Variants in L1TD1 observed in about 807,000 individuals in gnomAD.
L1TD1 encodes LINE1 type transposase domain containing 1.
L1TD1 carries 26 observed loss-of-function variants against 25.7 expected under a neutral mutation model. That is an observed-to-expected ratio of 1.01 (90% CI 0.74 to 1.40). The LOEUF is 1.40. L1TD1 is among the 40% of genes most tolerant of loss of function. The pLI is 0.00. For missense variants in L1TD1, 1,130 were observed against 975.0 expected (o/e 1.16, Z -2.12); for synonymous variants, 421 against 335.6 (o/e 1.25, Z -2.78).
intron 2 of L1TD1, among the ~76,000 whole-genome samples, chr1:62,201,208 C>G (rs958386409): frequency 1.3e-5 from 2 of 152,106 alleles, no homozygotes; most frequent in African/African-American, 4.8e-5. Context: ...GGATTACAGG[C>G]ATAAGCCACT....
At position 62,207,070 on chromosome 1, in the gene L1TD1, A is replaced by G; in HGVS notation, c.442A>G (p.Asn148Asp). The change falls in exon 3 of 4, where the codon AAC (asparagine) becomes GAC (aspartate). Residue 148 changes from asparagine to aspartate, a missense_variant. Physicochemically the swap from Asn to Asp is conservative, Grantham distance 23. Coordinates refer to ENST00000498273, the MANE Select transcript of L1TD1 (RefSeq NM_019079.5). ...AAATGAGCTGAGTGGTAAATTAGAC[A>G]ACACTAACGAATACAATAGTAATGA... ...EVNELSGKLD[N>D]TNEYNSNDGK... The G allele has an allele frequency of 6.2e-7, 1 of 1,613,858 alleles. No individual in the cohort carries two copies. Among genetic ancestry groups the G allele is most frequent in the Non-Finnish European group, 8.5e-7 (1 of 1,179,876 alleles).
At position 62,209,990 on chromosome 1, in the gene L1TD1, G is replaced by A. The variant is rs1207732370; in HGVS notation, c.1216G>A (p.Glu406Lys). The A allele has an allele frequency of 1.4e-5, 21 of 1,470,742 alleles. No individual in the cohort carries two copies. Among genetic ancestry groups the A allele is most frequent in the Non-Finnish European group, 2.0e-5 (21 of 1,071,616 alleles). 91.1% of individuals were successfully genotyped at this position (1,470,742 alleles called of 1,614,324 possible). The change falls in exon 4 of 4, where the codon GAG becomes AAG. Residue 406 changes from glutamate to lysine, a missense_variant. Coordinates refer to ENST00000498273, the MANE Select transcript of L1TD1 (RefSeq NM_019079.5). Reference sequence around the variant, plus strand: ...TGAAGATACCTCAGGGCTGGAGGAGGAGGAGGAAGAGCCCTCAGGGCTGGA... The same window carrying A: ...TGAAGATACCTCAGGGCTGGAGGAGAAGGAGGAAGAGCCCTCAGGGCTGGA... ...DDEDTSGLEEEEEEPSGLEEE... is the reference protein window; with the variant it reads ...DDEDTSGLEEKEEEPSGLEEE...
chr1:62,206,706 A>G lies in L1TD1; in HGVS notation c.78A>G (p.Lys26=). The G allele has an allele frequency of 1.3e-6, 2 of 1,550,306 alleles. No individual in the cohort carries two copies. The highest frequency in any genetic ancestry group is 3.9e-5 in the Admixed American group (2 of 50,746). ...AAAAGGAAAATATCACCTATATGAA[A>G]AGAGAGCAGTTAACAGAAACTGATA... ...AKKKENITYM[K]REQLTETDKD... The change falls in exon 3 of 4, where the codon AAA becomes AAG. Residue 26 remains lysine (K), a synonymous_variant. Transcript: ENST00000498273.
In L1TD1 at chr1:62,206,645, C is replaced by CT. The variant is rs1557444252; in HGVS notation, c.18dup (p.Ser7Ter). ...ATATCCACAATGTCTGATGTATCTA[C>CT]TAGTGTACAATCAAAATTTGCTAGA... is the stretch of plus-strand genomic sequence containing the variant. On this transcript the variant is annotated frameshift_variant, in exon 3 of 4. Transcript: ENST00000498273. LOFTEE classifies it high-confidence loss of function. 6.5e-6 allele frequency: 10 copies of CT among 1,543,828 alleles called. No individual in the cohort carries two copies. The South Asian group carries it at 1.2e-4, about 19-fold the overall frequency.
intron 2 of L1TD1, among the ~76,000 whole-genome samples, chr1:62,203,276 T>G (rs552317547): frequency 6.6e-6 from 1 of 152,202 alleles, no homozygotes; most frequent in Non-Finnish European, 1.5e-5. Flanking sequence ...ATTCCAATTA[T>G]ACTGTTTAAG....
rs1440066628 is a variant in L1TD1 at position 62,205,373 on chromosome 1, T to TTCTCTCTCCCTCTC, written c.-110-1138_-110-1137insCCTCTCTCTCTCTC. On this transcript the variant is annotated intron_variant, in intron 2 of 3. Transcript: ENST00000498273. ...AAAATAAAACCAACGAAAACTCTCT[T>TTCTCTCTCCCTCTC]TCTCTCTCTCTCTCTTTCTCTCTCT... Among the ~76,000 whole-genome samples the TTCTCTCTCCCTCTC allele has an allele frequency of 1.4e-3, 123 of 90,162 alleles. 4 individuals are homozygous for TTCTCTCTCCCTCTC. The highest frequency in any genetic ancestry group is 1.8e-3 in the Non-Finnish European group (80 of 43,304). 59.1% of individuals were successfully genotyped at this position (90,162 alleles called of 152,430 possible).
At chr1:62,206,164 A>G (rs563122751) in intron 2 of L1TD1, among the ~76,000 whole-genome samples, 1 of 152,342 alleles carries the variant, frequency 6.6e-6, no homozygotes, top group East Asian at 1.9e-4. Flanking sequence ...TTAGATTTGG[A>G]TGATTTGGTA....
At chr1:62,205,538 T>C (rs1258751686) in intron 2 of L1TD1, among the ~76,000 whole-genome samples, 1 of 146,974 alleles carries the variant, frequency 6.8e-6, no homozygotes, top group Non-Finnish European at 1.5e-5. Flanking sequence ...TTCAAGCAAT[T>C]CTTATGCCTC....
At chr1:62,196,757 T>C (rs1428508480) in intron 2 of L1TD1, among the ~76,000 whole-genome samples, 1 of 152,026 alleles carries the variant, frequency 6.6e-6, no homozygotes, top group Non-Finnish European at 1.5e-5. Context: ...TATACCCGGC[T>C]AATTTTTGTA....
chr1:62,208,791 C>T (rs190562645), intron 3 of L1TD1, among the ~76,000 whole-genome samples: 2 of 152,114 alleles, frequency 1.3e-5, no homozygotes, highest in South Asian at 2.1e-4. Flanking sequence ...GGTCTATATT[C>T]GTAAGCCAAT....
chr1:62,197,015 A>C (rs1319508087), intron 2 of L1TD1, among the ~76,000 whole-genome samples: 1 of 152,066 alleles, frequency 6.6e-6, no homozygotes, highest in African/African-American at 2.4e-5. Context: ...AGCAGAACCC[A>C]CAGTTCGTCA....
intron 2 of L1TD1, among the ~76,000 whole-genome samples, chr1:62,205,376 TCTCTCTCTCTCTTTCTCTC>T (rs1670717023): frequency 3.8e-5 from 3 of 79,272 alleles, no homozygotes; most frequent in African/African-American, 1.4e-4. Context: ...ACTCTCTTTC[TCTCTCTCTCTCTTTCTCTC>T]TCTCTCTCTC....
chr1:62,205,441 A>ATTTTTTTTTTTTTTTTTTTTTTTT (rs1447667211), intron 2 of L1TD1, among the ~76,000 whole-genome samples: 6 of 53,874 alleles, frequency 1.1e-4, no homozygotes, highest in East Asian at 4.8e-4. Context: ...ATATATATAT[A>ATTTTTTTTTTTTTTTTTTTTTTTT]TATTTTTTTT....
rs764484228 is a variant in L1TD1, at chr1:62,207,250, G to T, written c.622G>T (p.Val208Phe). The change falls in exon 3 of 4, where the codon GTC becomes TTC. Residue 208 changes from valine to phenylalanine, a missense_variant. Coordinates refer to ENST00000498273, the MANE Select transcript of L1TD1 (RefSeq NM_019079.5). Reference protein sequence around the residue: ...ESRKDGEDEFVKEMREERKFQ... With the variant: ...ESRKDGEDEFFKEMREERKFQ... ...TAGGAAGGATGGAGAGGATGAATTT[G>T]TCAAAGAAATGAGAGAGGAAAGAAA... is the stretch of plus-strand genomic sequence containing the variant. 28 of 1,551,250 alleles carry T rather than the reference G, an allele frequency of 1.8e-5. No individual in the cohort carries two copies. The South Asian group carries it at 3.3e-4, about 18-fold the overall frequency.
At chr1:62,199,272 T>C (rs903505182) in intron 2 of L1TD1, among the ~76,000 whole-genome samples, 4 of 151,980 alleles carry the variant, frequency 2.6e-5, no homozygotes, top group Admixed American at 2.6e-4. Context: ...CTGAGGCAGG[T>C]GGATCACCTG....
chr1:62,210,881 C>T lies in L1TD1; in HGVS notation c.2107C>T (p.Arg703Cys), dbSNP rs568498567. 13 of 1,551,224 alleles carry T rather than the reference C, an allele frequency of 8.4e-6. No individual in the cohort carries two copies. Among genetic ancestry groups the T allele is most frequent in the East Asian group, 2.4e-5 (1 of 40,882 alleles). The stretch of plus-strand genomic sequence containing the variant: ...GGAGAGATCTAGAAGTTGCAACATT[C>T]GTTTGATAGGAATTCCAGAAAAGGA... ...IEERSRSCNI[R>C]LIGIPEKESY... is the part of the protein sequence containing the mutation. Residue 703 changes from arginine (R) to cysteine (C), a missense_variant, in exon 4 of 4, where the codon CGT (arginine) becomes TGT (cysteine). Transcript: ENST00000498273.
chr1:62,209,338 A>G lies in L1TD1; in HGVS notation c.1009-445A>G, dbSNP rs980017036. ...GTTTGTTGTCTGTGGAGAAAGGTAA[A>G]TGTGAGCCTGGGGTTTTTGTTTGTG... On this transcript the variant is annotated intron_variant, in intron 3 of 3. Coordinates refer to ENST00000498273, the MANE Select transcript of L1TD1 (RefSeq NM_019079.5). Among the ~76,000 whole-genome samples, 5 of 149,718 alleles carry G rather than the reference A, an allele frequency of 3.3e-5. No homozygotes were observed. In the South Asian group the frequency reaches 1.1e-3, roughly 32 times the overall value.
chr1:62,208,323 A>C (rs958012402), intron 3 of L1TD1: 1 of 152,382 alleles, frequency 6.6e-6, no homozygotes, highest in Non-Finnish European at 1.5e-5. Context: ...CATGTCCCAC[A>C]CTAACTTAGT....
Position 62,210,269 on chromosome 1 carries a change from G to A in L1TD1, c.1495G>A (p.Glu499Lys). The A allele has an allele frequency of 1.2e-6, 2 of 1,614,094 alleles. No individual in the cohort carries two copies. Among genetic ancestry groups the A allele is most frequent in the African/African-American group, 1.3e-5 (1 of 75,036 alleles). The change falls in exon 4 of 4, where the codon GAG becomes AAG. Residue 499 changes from glutamate to lysine, a missense_variant. Glu to Lys is a moderately conservative substitution (Grantham distance 56). Transcript: ENST00000498273. ...TGKVKTTSLT[E>K]KKASRRQKEI... is the part of the protein sequence containing the mutation. ...AAAGGTAAAGACTACCTCCCTGACTGAGAAAAAAGCCTCACGTAGACAAAA... is the reference window on the plus strand; with the variant it reads ...AAAGGTAAAGACTACCTCCCTGACTAAGAAAAAAGCCTCACGTAGACAAAA...
Sources: allele counts gnomAD v4.1 joint callset (sites outside exome capture counted in the v4.1 genomes callset), GRCh38; gene constraint gnomAD v4.1.1; transcripts MANE v1.5; gene names NCBI Gene and HGNC (gene_info 2026-07-23, HGNC 2026-07-21).